ERAP1: variants seen among roughly 807,000 people sequenced by gnomAD.
ERAP1 encodes the protein endoplasmic reticulum aminopeptidase 1, also known as adipocyte-derived leucine aminopeptidase.
A neutral mutation model predicts 103.7 loss-of-function variants in ERAP1; 86 were observed. The ratio of observed to expected loss-of-function variants is 0.83; its 90% CI spans 0.70 to 0.99. The LOEUF (loss-of-function observed/expected upper bound fraction) is 0.99. Among genes scored for constraint, ERAP1 ranks in the 50% least tolerant of loss-of-function variants. The pLI, the probability that ERAP1 is intolerant of heterozygous loss-of-function variation, is 0.00. For missense variants in ERAP1, 1,009 were observed against 1,128.4 expected, an observed-to-expected ratio of 0.89 and a Z score of 1.52; for synonymous variants, 398 against 402.4, an observed-to-expected ratio of 0.99 and a Z score of 0.13.
At chr5:96,892,431 T>C in the ERAP1 span, 1 of 1,613,994 alleles carries the variant, frequency 6.2e-7, no homozygotes. Context: ...ACCAGAGTCA[T>C]AGCCCATGAA....
At chr5:96,784,569 T>G (rs1260254539) in intron 13 of ERAP1, among the ~76,000 whole-genome samples, 2 of 150,738 alleles carry the variant, frequency 1.3e-5, no homozygotes, top group Non-Finnish European at 2.9e-5. Flanking sequence ...ATGTTTACAC[T>G]AGGGAGGAAG....
At chr5:96,799,037 T>C (rs1777684769) in intron 3 of ERAP1, among the ~76,000 whole-genome samples, 1 of 151,704 alleles carries the variant, frequency 6.6e-6, no homozygotes, top group Non-Finnish European at 1.5e-5. Context: ...CCAGCTAATT[T>C]TGTATTTTTG....
chr5:96,836,908 C>T, the ERAP1 span, among the ~76,000 whole-genome samples: 1 of 152,088 alleles, frequency 6.6e-6, no homozygotes, highest in Non-Finnish European at 1.5e-5. Context: ...TAATGCAAAT[C>T]AGAAGATTTT....
the ERAP1 span, among the ~76,000 whole-genome samples, chr5:96,832,515 A>AT: frequency 3.9e-5 from 6 of 152,368 alleles, no homozygotes; most frequent in East Asian, 9.6e-4. Context: ...AGAACTACAC[A>AT]TTCAGATTTT....
chr5:96,930,134 T>C, the ERAP1 span, among the ~76,000 whole-genome samples: 2 of 152,196 alleles, frequency 1.3e-5, no homozygotes. Flanking sequence ...CTTTCTTCCC[T>C]AAGGGCTAAA....
At chr5:96,892,546 A>G in the ERAP1 span, 1 of 1,449,448 alleles carries the variant, frequency 6.9e-7, no homozygotes, top group African/African-American at 1.4e-5. Flanking sequence ...AAATCATCTC[A>G]TTTACCTCTA....
Position 96,765,218 on chromosome 5 carries a change from C to T in ERAP1, c.2819-1990G>A, listed in dbSNP as rs113716524. On this transcript the variant is annotated intron_variant, in intron 19 of 19. Transcript: ENST00000296754. Reference sequence around the variant, plus strand: ...GACTAATTCAGCATTATTTACTTTTCAGCAGAGTGACAAAGACCTCGATGA... The same window carrying T: ...GACTAATTCAGCATTATTTACTTTTTAGCAGAGTGACAAAGACCTCGATGA... 1,358 of 1,565,646 alleles carry T rather than the reference C, an allele frequency of 8.7e-4. 15 individuals are homozygous for T. In the African/African-American group the frequency reaches 0.016, roughly 19 times the overall value.
the ERAP1 span, among the ~76,000 whole-genome samples, chr5:96,882,586 T>C: frequency 6.6e-6 from 1 of 152,248 alleles, no homozygotes; most frequent in Non-Finnish European, 1.5e-5. Context: ...ACACTTTGCA[T>C]GTAGAGTTCC....
At chr5:96,849,960 G>A in the ERAP1 span, among the ~76,000 whole-genome samples, 112 of 152,186 alleles carry the variant, frequency 7.4e-4, 1 homozygote, top group African/African-American at 2.5e-3. Context: ...ATCCGTGCAT[G>A]TATAGTCAGT....
intron 13 of ERAP1, 132 bp from the exon 14 acceptor site, chr5:96,784,212 CG>C: frequency 1.1e-6 from 1 of 939,988 alleles, no homozygotes; most frequent in Middle Eastern, 2.2e-4. Flanking sequence ...TAGATAACTA[CG>C]GCCGGGCGCG....
chr5:96,931,136 C>T, the ERAP1 span, among the ~76,000 whole-genome samples: 3 of 151,968 alleles, frequency 2.0e-5, no homozygotes, highest in Admixed American at 2.0e-4. Flanking sequence ...TGGTCATCTC[C>T]TAAGGCCAGT....
the ERAP1 span, among the ~76,000 whole-genome samples, chr5:96,842,156 G>A: frequency 2.0e-5 from 3 of 152,100 alleles, no homozygotes; most frequent in Admixed American, 2.0e-4. Context: ...CATGGTATAT[G>A]TATATACCAC....
At chr5:96,781,303 C>T in intron 16 of ERAP1, 105 bp from the exon 17 acceptor site, 1 of 1,215,576 alleles carries the variant, frequency 8.2e-7, no homozygotes, top group Non-Finnish European at 1.2e-6. Context: ...CTGCCAGTAA[C>T]AAAGGTTAAA....
the ERAP1 span, chr5:96,903,624 T>A: frequency 7.1e-7 from 1 of 1,408,124 alleles, no homozygotes. Context: ...ATGCTAGACT[T>A]CAATATTGAA....
At chr5:96,854,652 T>G in the ERAP1 span, among the ~76,000 whole-genome samples, 1 of 152,180 alleles carries the variant, frequency 6.6e-6, no homozygotes, top group Non-Finnish European at 1.5e-5. Context: ...AGGTTTGAAA[T>G]CAAGACTCTA....
the ERAP1 span, among the ~76,000 whole-genome samples, chr5:96,887,100 T>TACAC: frequency 9.5e-5 from 13 of 137,466 alleles, no homozygotes; most frequent in East Asian, 1.0e-3. Context: ...TATATATATA[T>TACAC]ACACACACAC....
chr5:96,779,159 A>C (rs1205322470), intron 18 of ERAP1, among the ~76,000 whole-genome samples: 1 of 152,194 alleles, frequency 6.6e-6, no homozygotes, highest in African/African-American at 2.4e-5. Flanking sequence ...ATTTGTCTGT[A>C]ATTGTCTGAT....
At chr5:96,865,939 C>A in the ERAP1 span, among the ~76,000 whole-genome samples, 3 of 152,212 alleles carry the variant, frequency 2.0e-5, no homozygotes, top group Admixed American at 6.5e-5. Flanking sequence ...CCCAGACTGA[C>A]AAAAATTAGT....
At chr5:96,934,705 T>A in the ERAP1 span, 1 of 152,308 alleles carries the variant, frequency 6.6e-6, no homozygotes, top group African/African-American at 2.4e-5. Context: ...AACAACACCC[T>A]GGCCGTCCCT....
Sources: allele counts gnomAD v4.1 joint callset (sites outside exome capture counted in the v4.1 genomes callset), GRCh38; gene constraint gnomAD v4.1.1; transcripts MANE v1.5; gene names NCBI Gene and HGNC (gene_info 2026-07-23, HGNC 2026-07-21).